SUMF1: variants seen among roughly 807,000 people sequenced by gnomAD.
SUMF1 encodes the protein formylglycine-generating enzyme.
SUMF1 carries 48 observed loss-of-function variants against 47.6 expected under a neutral mutation model. The ratio of observed to expected loss-of-function variants is 1.01; its 90% CI spans 0.80 to 1.28. The LOEUF (loss-of-function observed/expected upper bound fraction) is 1.28, where lower values mean the gene tolerates loss of function less well. Ranked by LOEUF, SUMF1 falls within the 50% of genes most tolerant of loss-of-function variation. SUMF1 has a pLI of 0.00. For missense variants in SUMF1, 571 were observed against 485.4 expected (o/e 1.18, Z -1.66); for synonymous variants, 230 against 192.1 (o/e 1.20, Z -1.63).
chr3:4,442,537 C>T (rs1373711369), intron 3 of SUMF1, among the ~76,000 whole-genome samples: 3 of 150,386 alleles, frequency 2.0e-5, no homozygotes, highest in Admixed American at 1.3e-4. Context: ...ACTCTTGAAA[C>T]TGACCTGCCA....
intron 9 of SUMF1, among the ~76,000 whole-genome samples, chr3:4,066,179 C>A (rs1057100531): frequency 3.3e-5 from 5 of 151,958 alleles, no homozygotes; most frequent in Non-Finnish European, 1.5e-5. Context: ...GAACCCTCCC[C>A]CATCATTTAC....
chr3:4,080,952 T>C (rs1290360586), intron 8 of SUMF1, among the ~76,000 whole-genome samples: 1 of 152,134 alleles, frequency 6.6e-6, no homozygotes, highest in Admixed American at 6.5e-5. Context: ...AGTCATTAAA[T>C]AAATTTTCTT....
intron 8 of SUMF1, among the ~76,000 whole-genome samples, chr3:4,121,623 C>T (rs1323522647): frequency 2.0e-5 from 3 of 152,058 alleles, no homozygotes; most frequent in South Asian, 2.1e-4. Context: ...ACCATTATGA[C>T]CTAGCAATTT....
intron 1 of SUMF1, among the ~76,000 whole-genome samples, chr3:4,460,835 A>T (rs556001900): frequency 6.6e-6 from 1 of 150,744 alleles, no homozygotes; most frequent in South Asian, 2.1e-4. Flanking sequence ...TTTTTTTTTT[A>T]GTAGACACGA....
intron 8 of SUMF1, among the ~76,000 whole-genome samples, chr3:4,309,845 T>G (rs1698334494): frequency 6.6e-6 from 1 of 152,334 alleles, no homozygotes; most frequent in African/African-American, 2.4e-5. Context: ...CAGATACAAT[T>G]ATACTTCAGA....
At position 4,205,591 on chromosome 3, in the gene SUMF1, C is replaced by T. The variant is rs142145929; in HGVS notation, c.1015-136846G>A. 8.3e-4 allele frequency among the ~76,000 whole-genome samples: 126 copies of T among 152,286 alleles called. 1 individual carries two copies. Among genetic ancestry groups the T allele is most frequent in the Middle Eastern group, 3.4e-3 (1 of 294 alleles). On this transcript the variant is annotated intron_variant and NMD_transcript_variant, in intron 8 of 12. Transcript: ENST00000448413. Reference sequence around the variant, plus strand: ...AGCTTTCTAAGTATTCAAAGGGCATCGAGTGTTGTAATTTAAGTCTTTGAT... The same window carrying T: ...AGCTTTCTAAGTATTCAAAGGGCATTGAGTGTTGTAATTTAAGTCTTTGAT...
intron 8 of SUMF1, among the ~76,000 whole-genome samples, chr3:4,077,574 C>T (rs543958413): frequency 1.3e-5 from 2 of 152,200 alleles, no homozygotes; most frequent in African/African-American, 4.8e-5. Context: ...ACAAACACTG[C>T]ATGTTCTCAC....
At chr3:4,170,070 GC>G (rs1694799058) in intron 8 of SUMF1, among the ~76,000 whole-genome samples, 2 of 152,106 alleles carry the variant, frequency 1.3e-5, no homozygotes, top group Admixed American at 1.3e-4. Context: ...GACCAAATCT[GC>G]CCCCCACCCC....
chr3:4,199,304 G>GTA (rs1321880226), intron 8 of SUMF1, among the ~76,000 whole-genome samples: 1 of 152,108 alleles, frequency 6.6e-6, no homozygotes, highest in Non-Finnish European at 1.5e-5. Flanking sequence ...GTTGTTACAT[G>GTA]TATAAGTAGT....
At chr3:4,195,636 G>C (rs1279010819) in intron 8 of SUMF1, among the ~76,000 whole-genome samples, 1 of 152,124 alleles carries the variant, frequency 6.6e-6, no homozygotes, top group African/African-American at 2.4e-5. Context: ...ATTATGAATA[G>C]GCAAGGATCT....
At chr3:4,078,060 T>C (rs1274220040) in intron 8 of SUMF1, among the ~76,000 whole-genome samples, 1 of 152,092 alleles carries the variant, frequency 6.6e-6, no homozygotes, top group Non-Finnish European at 1.5e-5. Context: ...GCCAGCCCTG[T>C]TGGCAAGAGC....
intron 8 of SUMF1, among the ~76,000 whole-genome samples, chr3:4,204,252 A>G (rs1372340960): frequency 6.6e-6 from 1 of 152,102 alleles, no homozygotes; most frequent in Non-Finnish European, 1.5e-5. Flanking sequence ...ATTCAAATAC[A>G]TACAATGTTC....
At chr3:4,360,917 C>G (rs1699736251), downstream of SUMF1, among the ~76,000 whole-genome samples, 1 of 152,100 alleles carries the variant, frequency 6.6e-6, no homozygotes. Flanking sequence ...GTGCCTTTGA[C>G]TTGGCATTAT....
At chr3:4,047,015 C>G (rs997916515) in intron 9 of SUMF1, among the ~76,000 whole-genome samples, 1 of 151,882 alleles carries the variant, frequency 6.6e-6, no homozygotes, top group Non-Finnish European at 1.5e-5. Context: ...GGATTTGTGC[C>G]ACACCAAACT....
chr3:4,061,450 TTA>T, intron 9 of SUMF1, among the ~76,000 whole-genome samples: 1 of 152,260 alleles, frequency 6.6e-6, no homozygotes, highest in East Asian at 1.9e-4. Flanking sequence ...CCTCATTAAC[TTA>T]TGTTTTTCTG....
At chr3:4,407,537 C>T (rs894983742) in intron 7 of SUMF1, among the ~76,000 whole-genome samples, 1 of 152,112 alleles carries the variant, frequency 6.6e-6, no homozygotes, top group Non-Finnish European at 1.5e-5. Flanking sequence ...CACCAAACTC[C>T]CCCAATTCCA....
At chr3:4,363,439 G>A (rs184407895) in intron 8 of SUMF1, among the ~76,000 whole-genome samples, 3,597 of 151,780 alleles carry the variant, frequency 0.024, 64 homozygotes, top group Middle Eastern at 0.041. Flanking sequence ...GGTCCTTCAC[G>A]TCCCTTGTAA....
At chr3:4,461,003 T>C (rs77438956) in intron 1 of SUMF1, among the ~76,000 whole-genome samples, 1,789 of 152,220 alleles carry the variant, frequency 0.012, 50 homozygotes, top group East Asian at 0.09. Flanking sequence ...CCTAGGCTCT[T>C]TGAGGACCAG....
intron 8 of SUMF1, among the ~76,000 whole-genome samples, chr3:4,241,655 T>G (rs904789871): frequency 6.6e-6 from 1 of 152,140 alleles, no homozygotes; most frequent in Non-Finnish European, 1.5e-5. Flanking sequence ...CACTTAAAAA[T>G]GAAGCAGCAG....
Sources: gnomAD v4.1 joint callset for allele counts (sites outside exome capture counted in the v4.1 genomes callset) on GRCh38, gnomAD v4.1.1 for gene constraint, MANE v1.5 for transcripts, NCBI Gene and HGNC (gene_info 2026-07-23, HGNC 2026-07-21) for gene names.